IQGAP1: variants seen among roughly 807,000 people sequenced by gnomAD.
IQGAP1 encodes the protein IQ motif containing GTPase activating protein 1, also known as ras GTPase-activating-like protein IQGAP1.
In IQGAP1, 66 loss-of-function variants were observed where a neutral mutation model predicts 215.6. That is an observed-to-expected ratio of 0.31 (90% CI 0.25 to 0.38). The LOEUF (loss-of-function observed/expected upper bound fraction) is 0.38, where lower values mean the gene tolerates loss of function less well. IQGAP1 is among the 10% of genes least tolerant of loss of function. IQGAP1 has a pLI of 1.00. For missense variants in IQGAP1, 1,712 were observed against 1,997.1 expected, an observed-to-expected ratio of 0.86 and a Z score of 2.72; for synonymous variants, 772 against 728.7, an observed-to-expected ratio of 1.06 and a Z score of -0.96.
chr15:90,401,213 T>C (rs1964799933), intron 2 of IQGAP1, among the ~76,000 whole-genome samples: 1 of 152,146 alleles, frequency 6.6e-6, no homozygotes, highest in Non-Finnish European at 1.5e-5. Flanking sequence ...TTGATCTCTG[T>C]GGTTTGACAG....
In IQGAP1 at chr15:90,443,440, C is replaced by G; in HGVS notation, c.875C>G (p.Thr292Arg). ...RERDVYEELLTQAEIQGNINK... is the reference protein window; with the variant it reads ...RERDVYEELLRQAEIQGNINK... ...AGAGATGTTTATGAGGAGCTGCTCA[C>G]GCAAGCTGAAATTCAAGGCAATATA... Residue 292 changes from threonine (T) to arginine (R), a missense_variant, in exon 9 of 38, where the codon ACG (threonine) becomes AGG (arginine). Physicochemically the swap from Thr to Arg is moderately conservative, Grantham distance 71. Transcript: ENST00000268182. 6.2e-7 allele frequency: 1 copy of G among 1,613,124 alleles called. No individual in the cohort carries two copies. Among genetic ancestry groups the G allele is most frequent in the Non-Finnish European group, 8.5e-7 (1 of 1,179,258 alleles).
intron 36 of IQGAP1, among the ~76,000 whole-genome samples, chr15:90,495,630 C>CTTCTTCTTCATT: frequency 6.8e-6 from 1 of 146,408 alleles, no homozygotes; most frequent in Admixed American, 6.8e-5. Context: ...ATATTTTTTT[C>CTTCTTCTTCATT]TTCTTCTTCT....
intron 4 of IQGAP1, among the ~76,000 whole-genome samples, chr15:90,432,867 T>C (rs1965321191): frequency 6.6e-6 from 1 of 152,210 alleles, no homozygotes; most frequent in South Asian, 2.1e-4. Context: ...GATTGAATTG[T>C]ATGGTGCCAC....
chr15:90,409,529 C>T (rs958319079), intron 2 of IQGAP1, among the ~76,000 whole-genome samples: 11 of 152,078 alleles, frequency 7.2e-5, no homozygotes, highest in African/African-American at 1.4e-4. Flanking sequence ...TGAGCCACTG[C>T]GCCAGGCCTT....
chr15:90,460,509 G>A (rs1161809412), intron 15 of IQGAP1, among the ~76,000 whole-genome samples: 2 of 152,210 alleles, frequency 1.3e-5, no homozygotes, highest in African/African-American at 4.8e-5. Context: ...AATAAAGACA[G>A]CCATGCGAGT....
intron 10 of IQGAP1, 49 bp downstream of exon 10, chr15:90,448,785 G>T: frequency 7.3e-7 from 1 of 1,363,610 alleles, no homozygotes; most frequent in Non-Finnish European, 9.6e-7. Flanking sequence ...ATATCCATTC[G>T]AATCCCATGC....
intron 1 of IQGAP1, among the ~76,000 whole-genome samples, chr15:90,389,938 G>A (rs970714031): frequency 7.3e-6 from 1 of 136,910 alleles, no homozygotes; most frequent in Non-Finnish European, 1.5e-5. Flanking sequence ...CGGAGTGACA[G>A]AACAAGACCC....
chr15:90,466,245 G>A (rs1372310532), intron 16 of IQGAP1, 24 bp from the exon 17 acceptor site: 3 of 1,611,818 alleles, frequency 1.9e-6, no homozygotes, highest in African/African-American at 1.3e-5. Context: ...AAACTATTCT[G>A]GTAACAGTTC....
intron 2 of IQGAP1, among the ~76,000 whole-genome samples, chr15:90,421,824 C>T (rs2151012036): frequency 6.6e-6 from 1 of 152,276 alleles, no homozygotes; most frequent in South Asian, 2.1e-4. Context: ...CCACACTTGG[C>T]TAATTTTTGT....
chr15:90,465,464 A>C (rs1157391385), intron 15 of IQGAP1, among the ~76,000 whole-genome samples: 5 of 152,144 alleles, frequency 3.3e-5, no homozygotes, highest in Non-Finnish European at 5.9e-5. Flanking sequence ...TCATCTTTAT[A>C]TAATCTTCAC....
intron 36 of IQGAP1, among the ~76,000 whole-genome samples, chr15:90,495,280 T>G (rs939399941): frequency 1.3e-5 from 2 of 152,202 alleles, no homozygotes; most frequent in Non-Finnish European, 2.9e-5. Flanking sequence ...CTCCCACAGG[T>G]CCTGGGCCCA....
chr15:90,431,835 G>T (rs1260570033), intron 4 of IQGAP1, among the ~76,000 whole-genome samples: 1 of 152,160 alleles, frequency 6.6e-6, no homozygotes, highest in Admixed American at 6.5e-5. Flanking sequence ...TATGGTACAT[G>T]CTGGCCTATT....
At chr15:90,428,216 G>A (rs1444002983) in intron 3 of IQGAP1, among the ~76,000 whole-genome samples, 1 of 151,968 alleles carries the variant, frequency 6.6e-6, no homozygotes, top group Admixed American at 6.6e-5. Context: ...GGGACTATGG[G>A]AGCATGCTAC....
chr15:90,431,472 A>C (rs1398163556), intron 4 of IQGAP1, among the ~76,000 whole-genome samples: 1 of 152,190 alleles, frequency 6.6e-6, no homozygotes, highest in Non-Finnish European at 1.5e-5. Flanking sequence ...CAATAACCTC[A>C]TTTGAATGTT....
At chr15:90,440,833 G>A (rs990968902) in intron 7 of IQGAP1, among the ~76,000 whole-genome samples, 1 of 152,204 alleles carries the variant, frequency 6.6e-6, no homozygotes, top group Non-Finnish European at 1.5e-5. Flanking sequence ...TCCTGGCTGG[G>A]CGTGGTGGCT....
At chr15:90,498,541 A>AATGTGGGGTAACTGCCAG (rs1966301890) in intron 37 of IQGAP1, among the ~76,000 whole-genome samples, 1 of 152,164 alleles carries the variant, frequency 6.6e-6, no homozygotes, top group African/African-American at 2.4e-5. Context: ...AAATTCATTA[A>AATGTGGGGTAACTGCCAG]ATGTGGGGTA....
chr15:90,484,448 T>C, intron 30 of IQGAP1, 96 bp downstream of exon 30: 1 of 915,470 alleles, frequency 1.1e-6, no homozygotes, highest in Non-Finnish European at 1.7e-6. Context: ...CTAACCTTCC[T>C]GTAATCTAAC....
chr15:90,480,154 C>T (rs528960898), intron 26 of IQGAP1, among the ~76,000 whole-genome samples: 1 of 149,370 alleles, frequency 6.7e-6, no homozygotes, highest in East Asian at 2.0e-4. Flanking sequence ...CTCAGGAGGC[C>T]AAGACAGGAA....
intron 18 of IQGAP1, among the ~76,000 whole-genome samples, chr15:90,471,837 GA>G (rs374705456): frequency 1.3e-4 from 19 of 145,100 alleles, no homozygotes; most frequent in South Asian, 2.2e-4. Context: ...GTGTTGCCCA[GA>G]AAAAAAAAAA....
Sources: allele counts gnomAD v4.1 joint callset (sites outside exome capture counted in the v4.1 genomes callset), GRCh38; gene constraint gnomAD v4.1.1; transcripts MANE v1.5; gene names NCBI Gene and HGNC (gene_info 2026-07-23, HGNC 2026-07-21).